The following ACACB variants were observed in gnomAD, a reference collection of about 807,000 sequenced individuals.
ACACB encodes the protein acetyl-CoA carboxylase beta.
Under a neutral mutation model 278.8 loss-of-function variants are expected in ACACB, and 209 were observed. The observed-to-expected ratio is 0.75, with a 90% CI of 0.67 to 0.84. ACACB has a LOEUF of 0.84. ACACB is among the 40% of genes least tolerant of loss of function. The pLI is 0.00. For missense variants in ACACB, 2,850 were observed against 3,269.0 expected, an observed-to-expected ratio of 0.87 and a Z score of 3.13; for synonymous variants, 1,174 against 1,285.6, an observed-to-expected ratio of 0.91 and a Z score of 1.86.
At chr12:109,185,446 G>A in intron 11 of ACACB, 133 bp from the exon 12 acceptor site, 2 of 940,920 alleles carry the variant, frequency 2.1e-6, no homozygotes, top group Non-Finnish European at 1.6e-6. Context: ...AGAGCACCAT[G>A]TTGTCTATAG....
At chr12:109,245,156 C>G (rs1311963305) in intron 37 of ACACB, among the ~76,000 whole-genome samples, 2 of 151,766 alleles carry the variant, frequency 1.3e-5, no homozygotes, top group Non-Finnish European at 2.9e-5. Flanking sequence ...TGCACTCCAG[C>G]CTGGGCAACA....
At chr12:109,216,746 G>C (rs763258766) in intron 23 of ACACB, 40 bp downstream of exon 23, 2 of 1,614,110 alleles carry the variant, frequency 1.2e-6, no homozygotes, top group South Asian at 2.2e-5. Flanking sequence ...GATGGTGGGG[G>C]GCGTGAGGAG....
intron 21 of ACACB, among the ~76,000 whole-genome samples, chr12:109,211,573 G>T (rs2045851498): frequency 1.3e-5 from 2 of 152,072 alleles, no homozygotes; most frequent in Admixed American, 1.3e-4. Context: ...CCAATTTTAT[G>T]AAATGTCCAG....
chr12:109,252,733 G>C (rs2047128783), intron 42 of ACACB, among the ~76,000 whole-genome samples: 1 of 152,192 alleles, frequency 6.6e-6, no homozygotes, highest in Non-Finnish European at 1.5e-5. Flanking sequence ...CTAGGGTTTT[G>C]CTTTTGAGAT....
chr12:109,260,135 A>G, intron 47 of ACACB: 1 of 1,386,992 alleles, frequency 7.2e-7, no homozygotes, highest in South Asian at 1.1e-5. Flanking sequence ...ACATTGGGGA[A>G]GGATCAGTGT....
chr12:109,233,717 C>T lies in ACACB; in HGVS notation c.4140-31C>T. 4 of 1,597,092 alleles carry T rather than the reference C, an allele frequency of 2.5e-6. No homozygotes were observed. In the Middle Eastern group the frequency reaches 5.0e-4, roughly 199 times the overall value. ...CCTCATCCCCATGGGTCAGCAGCCCCTCAGCCCTCCCTCTCTACCCGCACC... is the reference window on the plus strand; with the variant it reads ...CCTCATCCCCATGGGTCAGCAGCCCTTCAGCCCTCCCTCTCTACCCGCACC... On this transcript the variant is annotated intron_variant, in intron 29 of 52. Transcript: ENST00000338432.
intron 2 of ACACB, among the ~76,000 whole-genome samples, chr12:109,140,329 TC>T (rs879742092): frequency 0.067 from 8,495 of 126,506 alleles, 721 homozygotes; most frequent in East Asian, 0.14. Context: ...CTTCCTTCCT[TC>T]CTTCCTTCCT....
chr12:109,229,075 TGG>T (rs1254352462), intron 28 of ACACB, among the ~76,000 whole-genome samples: 34 of 152,082 alleles, frequency 2.2e-4, no homozygotes, highest in Non-Finnish European at 4.6e-4. Flanking sequence ...CCCGAGTAGC[TGG>T]GACTACAGGC....
intron 24 of ACACB, 90 bp downstream of exon 24, chr12:109,217,010 G>A (rs979140436): frequency 6.8e-5 from 101 of 1,482,308 alleles, no homozygotes; most frequent in African/African-American, 5.5e-5. Flanking sequence ...GGCTGGGTGC[G>A]GTGGCTCATG....
intron 48 of ACACB, among the ~76,000 whole-genome samples, chr12:109,261,230 A>G (rs2047367792): frequency 6.6e-6 from 1 of 152,146 alleles, no homozygotes. Flanking sequence ...GAGTCATTCT[A>G]CTCCAAATAT....
chr12:109,111,897 AT>A (rs1226174392), upstream of ACACB, among the ~76,000 whole-genome samples: 1 of 151,936 alleles, frequency 6.6e-6, no homozygotes, highest in African/African-American at 2.4e-5. Flanking sequence ...ATCATTCTAC[AT>A]TTTGTGGTCA....
At chr12:109,134,359 A>G (rs1252528613) in intron 1 of ACACB, among the ~76,000 whole-genome samples, 1 of 152,178 alleles carries the variant, frequency 6.6e-6, no homozygotes, top group South Asian at 2.1e-4. Context: ...AGAGGGCATG[A>G]GAGGGAGTGG....
Position 109,188,092 on chromosome 12 carries a change from C to G in ACACB, c.2074C>G (p.Leu692Val). 1 of 1,613,618 alleles carries G rather than the reference C, an allele frequency of 6.2e-7. No homozygotes were observed. The highest frequency in any genetic ancestry group is 8.5e-7 in the Non-Finnish European group (1 of 1,179,524). ...GYFSVAATGG[L>V]HEFADSQFGH... ...CTTCAGCGTGGCCGCTACTGGAGGC[C>G]TGCACGAGTTTGCGGATTCCCAATT... Residue 692 changes from leucine to valine, a missense_variant, in exon 13 of 53, where the codon CTG (leucine) becomes GTG (valine). This residue lies in a region of ACACB where 2,265 missense variants were observed against 2,561.3 expected (regional missense o/e 0.88). Transcript: ENST00000338432.
chr12:109,265,279 A>C lies in ACACB; in HGVS notation c.7112A>C (p.Lys2371Thr). The C allele has an allele frequency of 6.2e-7, 1 of 1,612,776 alleles. No homozygotes were observed. Among genetic ancestry groups the C allele is most frequent in the Non-Finnish European group, 8.5e-7 (1 of 1,179,884 alleles). ...RWFVETEGAVKAYLWDNNQVV... is the reference protein window; with the variant it reads ...RWFVETEGAVTAYLWDNNQVV... ...TTCGTGGAGACGGAGGGGGCTGTCAAGGTGGGCCTGGGGTGAGAACGAGGC... is the reference window on the plus strand; with the variant it reads ...TTCGTGGAGACGGAGGGGGCTGTCACGGTGGGCCTGGGGTGAGAACGAGGC... The change falls in exon 51 of 53, where the codon AAG becomes ACG. Residue 2371 changes from lysine (K) to threonine (T), a missense_variant and splice_region_variant. By Grantham distance (78) the Lys-to-Thr change is moderately conservative. Transcript: ENST00000338432.
At chr12:109,137,899 C>CTT (rs199706198) in intron 1 of ACACB, among the ~76,000 whole-genome samples, 10,063 of 145,250 alleles carry the variant, frequency 0.069, 590 homozygotes, top group East Asian at 0.28. Flanking sequence ...TTTTCTTTTT[C>CTT]TTTTTTTTTT....
At chr12:109,184,713 T>A (rs2136242353) in intron 11 of ACACB, among the ~76,000 whole-genome samples, 1 of 151,722 alleles carries the variant, frequency 6.6e-6, no homozygotes, top group Middle Eastern at 3.4e-3. Context: ...AAAATTTTTT[T>A]TTTTTTTTTT....
In ACACB at chr12:109,209,316, A is replaced by G. The variant is rs2045612885; in HGVS notation, c.3212A>G (p.Asn1071Ser). 5 of 1,612,414 alleles carry G rather than the reference A, an allele frequency of 3.1e-6. No individual in the cohort carries two copies. The highest frequency in any genetic ancestry group is 1.7e-5 in the Admixed American group (1 of 59,978). Reference sequence around the variant, plus strand: ...AGGGTGATGGCCCAGTATGCCAGCAACATCACCTCGGTGCTGTGCCAGTTC... The same window carrying G: ...AGGGTGATGGCCCAGTATGCCAGCAGCATCACCTCGGTGCTGTGCCAGTTC... ...VRRVMAQYAS[N>S]ITSVLCQFPS... The change falls in exon 21 of 53, where the codon AAC becomes AGC. Residue 1071 changes from asparagine (N) to serine (S), a missense_variant. By Grantham distance (46) the Asn-to-Ser change is conservative. Around this residue, in one of 3 missense-constraint regions of ACACB, gnomAD observed 2,265 missense variants for 2,561.3 expected, o/e 0.88. Coordinates refer to ENST00000338432, the MANE Select transcript of ACACB (RefSeq NM_001093.4).
intron 41 of ACACB, among the ~76,000 whole-genome samples, chr12:109,250,378 C>T (rs996539643): frequency 3.9e-5 from 6 of 152,112 alleles, no homozygotes; most frequent in Non-Finnish European, 7.3e-5. Flanking sequence ...CCTCTTCCCC[C>T]GGTTTTTAAA....
At chr12:109,219,015 C>T (rs553821842) in intron 24 of ACACB, among the ~76,000 whole-genome samples, 42 of 152,110 alleles carry the variant, frequency 2.8e-4, no homozygotes, top group African/African-American at 1.0e-3. Context: ...GATCCACCAG[C>T]CTCGGCCTCC....
Sources: gnomAD v4.1 joint callset for allele counts (sites outside exome capture counted in the v4.1 genomes callset) on GRCh38, gnomAD v4.1.1 for gene constraint, gnomAD v4.1.1 regional missense constraint, MANE v1.5 for transcripts, NCBI Gene and HGNC (gene_info 2026-07-23, HGNC 2026-07-21) for gene names.